Variants in CTNNA2 observed in about 807,000 individuals in gnomAD.
CTNNA2 encodes catenin alpha 2.
A neutral mutation model predicts 101.0 loss-of-function variants in CTNNA2; 42 were observed. The observed-to-expected ratio is 0.42, with a 90% CI of 0.32 to 0.54. CTNNA2 has a LOEUF of 0.54. Ranked by LOEUF, CTNNA2 falls within the 20% of genes least tolerant of loss-of-function variation. CTNNA2 has a pLI of 0.14. For synonymous variants in CTNNA2, 450 were observed against 456.4 expected (o/e 0.99, Z 0.18); for missense variants, 871 against 1,223.1 (o/e 0.71, Z 4.29).
chr2:79,552,965 C>A (rs945205538), intron 1 of CTNNA2, among the ~76,000 whole-genome samples: 1 of 152,242 alleles, frequency 6.6e-6, no homozygotes, highest in Admixed American at 6.5e-5. Flanking sequence ...CATTTGGCTC[C>A]TCTTTACAAA....
chr2:79,368,842 C>T (rs1268098918), intron 3 of CTNNA2, among the ~76,000 whole-genome samples: 1 of 152,188 alleles, frequency 6.6e-6, no homozygotes, highest in Non-Finnish European at 1.5e-5. Context: ...CTGGGTATCA[C>T]ACTTTATCAC....
chr2:80,561,237 C>T (rs927046607), intron 12 of CTNNA2, among the ~76,000 whole-genome samples: 1 of 152,138 alleles, frequency 6.6e-6, no homozygotes, highest in African/African-American at 2.4e-5. Flanking sequence ...ATAGGAAGGA[C>T]TATCCACAGT....
intron 1 of CTNNA2, among the ~76,000 whole-genome samples, chr2:79,550,504 T>C (rs1392052741): frequency 6.6e-6 from 1 of 152,196 alleles, no homozygotes; most frequent in African/African-American, 2.4e-5. Context: ...TCCATAGCCA[T>C]AGCCGAATTG....
chr2:80,564,315 T>A (rs758577488), intron 12 of CTNNA2, among the ~76,000 whole-genome samples: 4 of 152,188 alleles, frequency 2.6e-5, no homozygotes, highest in Non-Finnish European at 5.9e-5. Context: ...GTTCCTTAAG[T>A]TTCAGAATTA....
intron 18 of CTNNA2, among the ~76,000 whole-genome samples, chr2:80,641,055 G>T (rs1673419225): frequency 1.3e-5 from 2 of 152,054 alleles, no homozygotes; most frequent in Non-Finnish European, 2.9e-5. Context: ...CATATTTAGG[G>T]AAATATTTTA....
At chr2:79,966,728 G>A (rs1690089772) in intron 7 of CTNNA2, among the ~76,000 whole-genome samples, 1 of 152,188 alleles carries the variant, frequency 6.6e-6, no homozygotes, top group African/African-American at 2.4e-5. Context: ...AGTGACTTCT[G>A]TCTTGCCAAA....
At chr2:79,709,478 G>C (rs1418705824) in intron 2 of CTNNA2, among the ~76,000 whole-genome samples, 1 of 152,162 alleles carries the variant, frequency 6.6e-6, no homozygotes, top group Admixed American at 6.6e-5. Flanking sequence ...TGAGAGGCAT[G>C]TCGGACAGGG....
At chr2:80,612,294 G>A (rs1698531181) in intron 17 of CTNNA2, among the ~76,000 whole-genome samples, 3 of 151,240 alleles carry the variant, frequency 2.0e-5, no homozygotes, top group African/African-American at 2.4e-5. Flanking sequence ...TTAAAAAATT[G>A]GACTCTAATT....
chr2:80,506,445 G>C (rs1688286448), intron 9 of CTNNA2, among the ~76,000 whole-genome samples: 1 of 152,098 alleles, frequency 6.6e-6, no homozygotes, highest in African/African-American at 2.4e-5. Context: ...AAGTGAGAAA[G>C]GGAGTGTAAG....
intron 7 of CTNNA2, among the ~76,000 whole-genome samples, chr2:80,335,318 A>T (rs1287205488): frequency 2.0e-5 from 3 of 152,178 alleles, no homozygotes; most frequent in Non-Finnish European, 4.4e-5. Flanking sequence ...CAGTCAAATG[A>T]TCATCTCATA....
chr2:80,614,360 G>T (rs1411954974), intron 17 of CTNNA2, among the ~76,000 whole-genome samples: 1 of 151,468 alleles, frequency 6.6e-6, no homozygotes, highest in African/African-American at 2.4e-5. Context: ...TAATATTTAT[G>T]TAACATTTGC....
intron 2 of CTNNA2, among the ~76,000 whole-genome samples, chr2:79,230,704 A>G (rs1674479897): frequency 6.6e-6 from 1 of 152,174 alleles, no homozygotes; most frequent in Non-Finnish European, 1.5e-5. Flanking sequence ...TGTGCCTGGA[A>G]AAGCCACAGG....
intron 6 of CTNNA2, among the ~76,000 whole-genome samples, chr2:79,896,659 G>T (rs991859497): frequency 1.3e-5 from 2 of 152,236 alleles, no homozygotes; most frequent in Admixed American, 1.3e-4. Flanking sequence ...ACACACGTGT[G>T]TGCACACAGG....
At chr2:80,347,838 C>CTTTTTTTTTTTTTTTTTTTTTT (rs778989197) in intron 7 of CTNNA2, among the ~76,000 whole-genome samples, 1 of 146,786 alleles carries the variant, frequency 6.8e-6, no homozygotes. Context: ...TTTTTCTTTT[C>CTTTTTTTTTTTTTTTTTTTTTT]TTTTCTTTTT....
chr2:79,196,711 TACACCAAC>T (rs1299680055), intron 1 of CTNNA2, among the ~76,000 whole-genome samples: 1 of 152,248 alleles, frequency 6.6e-6, no homozygotes, highest in African/African-American at 2.4e-5. Context: ...TTCTGCTTTA[TACACCAAC>T]TTACTTCACT....
intron 9 of CTNNA2, among the ~76,000 whole-genome samples, chr2:80,459,709 T>A (rs1197886651): frequency 1.3e-5 from 2 of 152,152 alleles, no homozygotes; most frequent in Non-Finnish European, 2.9e-5. Flanking sequence ...CTTTTCCTCC[T>A]GCTATTCTGT....
At chr2:79,275,224 G>A (rs1292779691) in intron 2 of CTNNA2, among the ~76,000 whole-genome samples, 1 of 152,042 alleles carries the variant, frequency 6.6e-6, no homozygotes, top group South Asian at 2.1e-4. Flanking sequence ...ACAGCATATA[G>A]GCTGTGCCCA....
At chr2:79,953,938 G>T (rs1689049218) in intron 7 of CTNNA2, among the ~76,000 whole-genome samples, 1 of 152,126 alleles carries the variant, frequency 6.6e-6, no homozygotes, top group South Asian at 2.1e-4. Flanking sequence ...ATATTATGAA[G>T]TAATAGAATA....
At chr2:79,389,583 T>A (rs1002108025) in intron 4 of CTNNA2, among the ~76,000 whole-genome samples, 46 of 152,208 alleles carry the variant, frequency 3.0e-4, no homozygotes, top group African/African-American at 1.1e-3. Flanking sequence ...CAAGGGCCAA[T>A]TTATTCAATA....
Sources: allele counts gnomAD v4.1 joint callset (sites outside exome capture counted in the v4.1 genomes callset), GRCh38; gene constraint gnomAD v4.1.1; transcripts MANE v1.5; gene names NCBI Gene and HGNC (gene_info 2026-07-23, HGNC 2026-07-21).